Variants in FARS2 observed in about 807,000 individuals in gnomAD.
The protein encoded by FARS2 is phenylalanyl-tRNA synthetase 2, mitochondrial.
Under a neutral mutation model 46.4 loss-of-function variants are expected in FARS2, and 40 were observed. The observed-to-expected ratio is 0.86, with a 90% CI of 0.67 to 1.12. The LOEUF (loss-of-function observed/expected upper bound fraction) is 1.12. Ranked by LOEUF, FARS2 falls within the 50% of genes most tolerant of loss-of-function variation. FARS2 has a pLI of 0.00. For missense variants in FARS2, 513 were observed against 567.9 expected, an observed-to-expected ratio of 0.90 and a Z score of 0.98; for synonymous variants, 234 against 214.9, an observed-to-expected ratio of 1.09 and a Z score of -0.78.
intron 6 of FARS2, among the ~76,000 whole-genome samples, chr6:5,679,556 C>T (rs1010057958): frequency 1.3e-5 from 2 of 152,128 alleles, no homozygotes; most frequent in African/African-American, 2.4e-5. Flanking sequence ...CAATACTGAT[C>T]GCCTTACCTC....
chr6:5,644,283 G>T (rs1195319550), intron 6 of FARS2, among the ~76,000 whole-genome samples: 1 of 151,934 alleles, frequency 6.6e-6, no homozygotes, highest in Non-Finnish European at 1.5e-5. Flanking sequence ...TGCAGTCACA[G>T]CTCACTGCAG....
At chr6:5,593,001 T>G (rs561415402) in intron 5 of FARS2, among the ~76,000 whole-genome samples, 1 of 152,182 alleles carries the variant, frequency 6.6e-6, no homozygotes, top group Non-Finnish European at 1.5e-5. Flanking sequence ...TCTCTCTGCC[T>G]CATCTCACAA....
chr6:5,657,165 A>G (rs893237770), intron 6 of FARS2, among the ~76,000 whole-genome samples: 2 of 152,180 alleles, frequency 1.3e-5, no homozygotes, highest in Non-Finnish European at 2.9e-5. Flanking sequence ...TTATCTCTTT[A>G]TCCCCTTTTT....
chr6:5,351,872 A>G (rs1186255938), intron 1 of FARS2, among the ~76,000 whole-genome samples: 1 of 152,212 alleles, frequency 6.6e-6, no homozygotes, highest in Non-Finnish European at 1.5e-5. Context: ...AGTTGTTTCT[A>G]ATTAGGAATA....
chr6:5,350,428 T>G (rs930998042), intron 1 of FARS2, among the ~76,000 whole-genome samples: 1 of 152,178 alleles, frequency 6.6e-6, no homozygotes, highest in African/African-American at 2.4e-5. Context: ...GATGTTCCTA[T>G]CTGCTATAGC....
At chr6:5,760,532 T>G (rs1762427221) in intron 6 of FARS2, among the ~76,000 whole-genome samples, 1 of 152,226 alleles carries the variant, frequency 6.6e-6, no homozygotes. Context: ...TTTCAGGACC[T>G]GATCCTGGGT....
chr6:5,389,456 T>G (rs1298741020), intron 2 of FARS2, among the ~76,000 whole-genome samples: 3 of 152,220 alleles, frequency 2.0e-5, no homozygotes, highest in African/African-American at 7.2e-5. Flanking sequence ...TTTGTTTGGC[T>G]GCATTACCTA....
intron 1 of FARS2, among the ~76,000 whole-genome samples, chr6:5,287,590 C>T (rs1445575155): frequency 6.6e-6 from 1 of 152,212 alleles, no homozygotes; most frequent in Admixed American, 6.5e-5. Flanking sequence ...CATGCTTTCT[C>T]CCACCTCATA....
intron 6 of FARS2, among the ~76,000 whole-genome samples, chr6:5,667,433 G>A (rs1304888548): frequency 6.6e-6 from 1 of 151,534 alleles, no homozygotes; most frequent in East Asian, 1.9e-4. Context: ...CAGGAGAATC[G>A]CTTGAACCCA....
chr6:5,593,867 T>G (rs879607119), intron 5 of FARS2, among the ~76,000 whole-genome samples: 6 of 152,176 alleles, frequency 3.9e-5, no homozygotes, highest in Non-Finnish European at 5.9e-5. Context: ...TCATTGCTAT[T>G]GTTCAAACAC....
At chr6:5,330,758 A>AGTAT (rs1173288508) in intron 1 of FARS2, among the ~76,000 whole-genome samples, 1 of 152,190 alleles carries the variant, frequency 6.6e-6, no homozygotes, top group Non-Finnish European at 1.5e-5. Context: ...TATGTATTTG[A>AGTAT]GTATGTAGTT....
chr6:5,345,588 G>A (rs1647708904), intron 1 of FARS2, among the ~76,000 whole-genome samples: 1 of 152,204 alleles, frequency 6.6e-6, no homozygotes, highest in African/African-American at 2.4e-5. Context: ...AGAATAGAAC[G>A]GAGATGAGTG....
intron 2 of FARS2, among the ~76,000 whole-genome samples, chr6:5,371,638 G>A (rs1434000429): frequency 6.6e-6 from 1 of 152,122 alleles, no homozygotes; most frequent in African/African-American, 2.4e-5. Context: ...TAAGGCTCTT[G>A]TCATATTTGG....
Position 5,351,232 on chromosome 6 carries a change from T to A in FARS2, c.-21-17318T>A, listed in dbSNP as rs1019058612. Among the ~76,000 whole-genome samples the A allele has an allele frequency of 2.4e-4, 36 of 152,250 alleles. 1 individual carries two copies. The highest frequency in any genetic ancestry group is 8.4e-4 in the African/African-American group (35 of 41,464). On this transcript the variant is annotated intron_variant, in intron 1 of 6. Transcript: ENST00000274680. ...GATACCAGCTACCTGCTTTTGTAGC[T>A]GATATATATAAGCCATTTTATGCAA... is the stretch of plus-strand genomic sequence containing the variant.
chr6:5,286,019 G>A (rs1203032906), intron 1 of FARS2, among the ~76,000 whole-genome samples: 1 of 150,152 alleles, frequency 6.7e-6, no homozygotes, highest in Non-Finnish European at 1.5e-5. Context: ...CATTTCACAT[G>A]TGATAGCTGT....
intron 1 of FARS2, among the ~76,000 whole-genome samples, chr6:5,341,510 T>A (rs979911413): frequency 1.3e-5 from 2 of 151,578 alleles, no homozygotes; most frequent in South Asian, 4.2e-4. Flanking sequence ...TTTATTTATT[T>A]ATTATTTTAT....
intron 1 of FARS2, among the ~76,000 whole-genome samples, chr6:5,270,418 A>G (rs962239304): frequency 6.6e-6 from 1 of 152,226 alleles, no homozygotes; most frequent in African/African-American, 2.4e-5. Flanking sequence ...ATAATTTCCA[A>G]GTAAACTATC....
At chr6:5,356,878 A>AT (rs1188216162) in intron 1 of FARS2, among the ~76,000 whole-genome samples, 2 of 152,054 alleles carry the variant, frequency 1.3e-5, no homozygotes, top group African/African-American at 2.4e-5. Context: ...CAACTAAATG[A>AT]TTTTGTGTAT....
intron 4 of FARS2, among the ~76,000 whole-genome samples, chr6:5,526,523 A>G (rs929329456): frequency 3.3e-5 from 5 of 152,350 alleles, no homozygotes; most frequent in African/African-American, 1.2e-4. Flanking sequence ...GTGACAAGAA[A>G]TAGAGCACTA....
Sources: allele counts gnomAD v4.1 joint callset (sites outside exome capture counted in the v4.1 genomes callset), GRCh38; gene constraint gnomAD v4.1.1; transcripts MANE v1.5; gene names NCBI Gene and HGNC (gene_info 2026-07-23, HGNC 2026-07-21).